FBXL17: variants seen among roughly 807,000 people sequenced by gnomAD.
FBXL17 encodes F-box/LRR-repeat protein 17.
A neutral mutation model predicts 66.2 loss-of-function variants in FBXL17; 22 were observed. The observed-to-expected ratio is 0.33, with a 90% CI of 0.24 to 0.47. FBXL17 has a LOEUF of 0.47. FBXL17 is among the 20% of genes least tolerant of loss of function. FBXL17 has a pLI of 1.00. For synonymous variants in FBXL17, 474 were observed against 400.5 expected (o/e 1.18, Z -2.19); for missense variants, 878 against 948.2 (o/e 0.93, Z 0.97).
chr5:107,971,014 A>G (rs1752351039), intron 7 of FBXL17, among the ~76,000 whole-genome samples: 1 of 152,198 alleles, frequency 6.6e-6, no homozygotes, highest in African/African-American at 2.4e-5. Flanking sequence ...AAAATTATAA[A>G]CTTAATTTGC....
chr5:107,916,949 AT>A (rs746793693), intron 7 of FBXL17, among the ~76,000 whole-genome samples: 7 of 152,256 alleles, frequency 4.6e-5, no homozygotes, highest in Non-Finnish European at 1.0e-4. Context: ...TCAAAGGTGT[AT>A]CGCTAAGACA....
At chr5:108,204,803 C>A (rs1212705598) in intron 5 of FBXL17, among the ~76,000 whole-genome samples, 1 of 148,420 alleles carries the variant, frequency 6.7e-6, no homozygotes, top group African/African-American at 2.4e-5. Flanking sequence ...TTTTTTTACC[C>A]CTTAAAAGTT....
At chr5:108,347,955 A>T (rs1747387265) in intron 4 of FBXL17, among the ~76,000 whole-genome samples, 1 of 152,160 alleles carries the variant, frequency 6.6e-6, no homozygotes, top group Non-Finnish European at 1.5e-5. Context: ...GCTCTAACTT[A>T]TTGAATCCCA....
chr5:108,298,858 T>C, intron 4 of FBXL17: 1 of 916,928 alleles, frequency 1.1e-6, no homozygotes, highest in Non-Finnish European at 1.3e-6. Flanking sequence ...ATTTAAAATA[T>C]ATTTATTCTT....
intron 6 of FBXL17, among the ~76,000 whole-genome samples, chr5:108,156,396 T>G (rs1439635214): frequency 6.6e-6 from 1 of 152,042 alleles, no homozygotes; most frequent in Non-Finnish European, 1.5e-5. Flanking sequence ...ATATATTTGA[T>G]ATCACTAAAT....
intron 6 of FBXL17, among the ~76,000 whole-genome samples, chr5:108,177,010 T>C (rs1452640927): frequency 1.3e-5 from 2 of 152,184 alleles, no homozygotes; most frequent in Admixed American, 1.3e-4. Flanking sequence ...AAGATAACTT[T>C]CTTCTTTTTA....
At chr5:108,248,187 T>C (rs1369117592) in intron 4 of FBXL17, among the ~76,000 whole-genome samples, 1 of 152,084 alleles carries the variant, frequency 6.6e-6, no homozygotes, top group Non-Finnish European at 1.5e-5. Context: ...TCAACCATCA[T>C]AAAAATGCTT....
chr5:108,267,228 C>A (rs1757080272), intron 4 of FBXL17, among the ~76,000 whole-genome samples: 3 of 151,742 alleles, frequency 2.0e-5, no homozygotes, highest in Admixed American at 1.3e-4. Context: ...AACGAAAAAT[C>A]AAATTAAGAA....
chr5:108,000,718 C>T (rs6872933), intron 7 of FBXL17, among the ~76,000 whole-genome samples: 26,589 of 152,154 alleles, frequency 0.17, 6,493 homozygotes, highest in African/African-American at 0.55. Context: ...GAACCTCAAA[C>T]TGCTTTCAGC....
At chr5:108,267,438 T>C (rs922680352) in intron 4 of FBXL17, among the ~76,000 whole-genome samples, 4 of 152,054 alleles carry the variant, frequency 2.6e-5, no homozygotes, top group African/African-American at 9.7e-5. Flanking sequence ...ATTATGTAAA[T>C]CATCAATGTT....
At chr5:107,898,591 A>T (rs1359614919) in intron 7 of FBXL17, among the ~76,000 whole-genome samples, 1 of 152,148 alleles carries the variant, frequency 6.6e-6, no homozygotes, top group Non-Finnish European at 1.5e-5. Flanking sequence ...CATCTACATT[A>T]GGTATTTCTC....
intron 6 of FBXL17, among the ~76,000 whole-genome samples, chr5:108,063,753 C>A (rs1399041943): frequency 2.0e-5 from 3 of 151,998 alleles, no homozygotes; most frequent in Non-Finnish European, 4.4e-5. Context: ...TGGGGAAATG[C>A]AAGCTTTTAT....
intron 4 of FBXL17, among the ~76,000 whole-genome samples, chr5:108,245,220 C>T (rs942143335): frequency 1.3e-5 from 2 of 152,044 alleles, no homozygotes; most frequent in African/African-American, 2.4e-5. Context: ...AGCAAGAGCA[C>T]GACCTTCAAA....
chr5:108,201,995 A>G (rs1213823603), intron 5 of FBXL17, among the ~76,000 whole-genome samples: 2 of 152,152 alleles, frequency 1.3e-5, no homozygotes, highest in East Asian at 3.8e-4. Flanking sequence ...CAATTTACAA[A>G]CAAGTGTGTG....
chr5:108,346,925 A>C (rs1487737333), intron 4 of FBXL17, among the ~76,000 whole-genome samples: 1 of 152,156 alleles, frequency 6.6e-6, no homozygotes, highest in Non-Finnish European at 1.5e-5. Flanking sequence ...CTATTACATA[A>C]AAATTATTAA....
At chr5:108,125,298 C>T (rs1331886066) in intron 6 of FBXL17, among the ~76,000 whole-genome samples, 10 of 151,866 alleles carry the variant, frequency 6.6e-5, no homozygotes, top group Admixed American at 6.6e-4. Context: ...TACTATGTAC[C>T]TGTAAAAATT....
intron 5 of FBXL17, 27 bp from the exon 6 acceptor site, chr5:108,186,274 G>A (rs1211788380): frequency 1.3e-6 from 2 of 1,597,226 alleles, no homozygotes; most frequent in South Asian, 1.1e-5. Flanking sequence ...AATGAAAGAT[G>A]AAAAAGGTAA....
At chr5:108,202,635 T>C (rs936119274) in intron 5 of FBXL17, among the ~76,000 whole-genome samples, 8 of 152,134 alleles carry the variant, frequency 5.3e-5, no homozygotes, top group African/African-American at 1.9e-4. Flanking sequence ...GTAGGTAGCA[T>C]ATATAGGATG....
intron 7 of FBXL17, among the ~76,000 whole-genome samples, chr5:107,908,482 G>A (rs1749835453): frequency 6.6e-6 from 1 of 152,134 alleles, no homozygotes; most frequent in Non-Finnish European, 1.5e-5. Context: ...TATATTCAAA[G>A]TTAAAGGAAG....
Sources: allele counts gnomAD v4.1 joint callset (sites outside exome capture counted in the v4.1 genomes callset), GRCh38; gene constraint gnomAD v4.1.1; transcripts MANE v1.5; gene names NCBI Gene and HGNC (gene_info 2026-07-23, HGNC 2026-07-21).